Variants in SUPT3H observed in about 807,000 individuals in gnomAD.
SUPT3H encodes transcription initiation protein SPT3 homolog.
In SUPT3H, 44 loss-of-function variants were observed where a neutral mutation model predicts 44.3. The ratio of observed to expected loss-of-function variants is 0.99; its 90% confidence interval spans 0.78 to 1.28. SUPT3H has a LOEUF of 1.28. Ranked by LOEUF, SUPT3H falls within the 50% of genes most tolerant of loss-of-function variation. The pLI, the probability that SUPT3H is intolerant of heterozygous loss-of-function variation, is 0.00. For synonymous variants in SUPT3H, 124 were observed against 125.6 expected, an observed-to-expected ratio of 0.99 and a Z score of 0.09; for missense variants, 380 against 387.1, an observed-to-expected ratio of 0.98 and a Z score of 0.15.
chr6:44,945,792 A>G (rs2153469631), intron 9 of SUPT3H, among the ~76,000 whole-genome samples: 1 of 152,340 alleles, frequency 6.6e-6, no homozygotes, highest in African/African-American at 2.4e-5. Flanking sequence ...TAGAAGCTGT[A>G]GCAAGTTGTC....
At chr6:44,971,560 C>G (rs1714800129) in intron 6 of SUPT3H, among the ~76,000 whole-genome samples, 2 of 152,170 alleles carry the variant, frequency 1.3e-5, no homozygotes, top group Admixed American at 6.5e-5. Flanking sequence ...ATGATGAGAA[C>G]AGAAGCATGG....
At chr6:45,365,885 A>G (rs906101256) in intron 1 of SUPT3H, among the ~76,000 whole-genome samples, 2 of 53,368 alleles carry the variant, frequency 3.7e-5, no homozygotes, top group Non-Finnish European at 5.8e-5. Flanking sequence ...CAAAAGCATT[A>G]TATTTTATAA....
Position 45,003,685 on chromosome 6 carries a change from C to T in SUPT3H, c.472G>A (p.Glu158Lys), listed in dbSNP as rs1232194875. The part of the protein sequence containing the change: ...GELLAMFEDD[E>K]IDEVKQERME... ...CTTTCTTGTTTAACTTCATCAATTTCGTCATCTTCAAACATTGCTAAAAGT... is the reference window on the plus strand; with the variant it reads ...CTTTCTTGTTTAACTTCATCAATTTTGTCATCTTCAAACATTGCTAAAAGT... Residue 158 changes from glutamate (E) to lysine (K), a missense_variant, in exon 6 of 11, where the codon GAA becomes AAA. Physicochemically the swap from Glu to Lys is moderately conservative, Grantham distance 56. Coordinates refer to ENST00000371459, the MANE Select transcript of SUPT3H (RefSeq NM_003599.4). The T allele has an allele frequency of 8.1e-6, 13 of 1,613,504 alleles. No individual in the cohort carries two copies. Among genetic ancestry groups the T allele is most frequent in the African/African-American group, 2.7e-5 (2 of 74,902 alleles).
intron 2 of SUPT3H, among the ~76,000 whole-genome samples, chr6:45,345,416 A>G (rs1297448646): frequency 6.6e-6 from 1 of 152,076 alleles, no homozygotes; most frequent in Non-Finnish European, 1.5e-5. Context: ...CTTCATCTCA[A>G]TTTCCATTTT....
intron 2 of SUPT3H, among the ~76,000 whole-genome samples, chr6:45,139,508 A>G (rs1804827775): frequency 6.6e-6 from 1 of 152,148 alleles, no homozygotes; most frequent in African/African-American, 2.4e-5. Flanking sequence ...GAATTCACAG[A>G]TCCTTTGAAA....
intron 10 of SUPT3H, among the ~76,000 whole-genome samples, chr6:44,913,804 G>C (rs1404950014): frequency 6.6e-6 from 1 of 152,004 alleles, no homozygotes; most frequent in Non-Finnish European, 1.5e-5. Flanking sequence ...TTTTCCAAGT[G>C]GTTATTTTTG....
intron 2 of SUPT3H, among the ~76,000 whole-genome samples, chr6:45,307,046 T>TGCAAGGCGGCA (rs1783141016): frequency 6.6e-6 from 1 of 152,130 alleles, no homozygotes; most frequent in Admixed American, 6.5e-5. Context: ...GAGATCAAAC[T>TGCAAGGCGGCA]GCAAGGCGGC....
At chr6:45,249,845 T>C (rs1366126050) in intron 2 of SUPT3H, among the ~76,000 whole-genome samples, 2 of 152,050 alleles carry the variant, frequency 1.3e-5, no homozygotes, top group Non-Finnish European at 2.9e-5. Context: ...TGATGATATA[T>C]CATACTGAAA....
chr6:44,835,194 T>G (rs1325924994), intron 10 of SUPT3H, among the ~76,000 whole-genome samples: 1 of 152,126 alleles, frequency 6.6e-6, no homozygotes, highest in Non-Finnish European at 1.5e-5. Flanking sequence ...CAGTATCTGA[T>G]TTTGGGTTGA....
At chr6:44,849,908 T>C (rs1772597029) in intron 10 of SUPT3H, among the ~76,000 whole-genome samples, 1 of 152,210 alleles carries the variant, frequency 6.6e-6, no homozygotes, top group South Asian at 2.1e-4. Context: ...GCAATGTATT[T>C]AGCTGGGGAG....
intron 2 of SUPT3H, among the ~76,000 whole-genome samples, chr6:45,357,423 T>TA (rs1180475786): frequency 3.3e-5 from 5 of 151,268 alleles, no homozygotes; most frequent in African/African-American, 1.2e-4. Context: ...CGTAACCTCC[T>TA]AGGTGCAAGT....
intron 2 of SUPT3H, among the ~76,000 whole-genome samples, chr6:45,241,843 T>A (rs1472255830): frequency 6.6e-6 from 1 of 151,986 alleles, no homozygotes; most frequent in African/African-American, 2.4e-5. Context: ...GGAATATAAT[T>A]AGGAAAAAGC....
chr6:45,274,615 T>TC (rs1776719729), intron 2 of SUPT3H, among the ~76,000 whole-genome samples: 1 of 152,344 alleles, frequency 6.6e-6, no homozygotes, highest in Non-Finnish European at 1.5e-5. Context: ...GAACTGCAGC[T>TC]CATGCCTGTA....
chr6:44,844,606 T>C (rs970227625), intron 10 of SUPT3H, among the ~76,000 whole-genome samples: 1 of 152,150 alleles, frequency 6.6e-6, no homozygotes, highest in Non-Finnish European at 1.5e-5. Context: ...GAACTTCAAA[T>C]GCATTATGCT....
chr6:45,223,828 C>G (rs1766460899), intron 2 of SUPT3H, among the ~76,000 whole-genome samples: 1 of 151,120 alleles, frequency 6.6e-6, no homozygotes, highest in Non-Finnish European at 1.5e-5. Context: ...TACGAATTTA[C>G]TATGAAGCAC....
chr6:45,075,124 A>G lies in SUPT3H; in HGVS notation c.186+30798T>C, dbSNP rs145807168. Among the ~76,000 whole-genome samples, 705 of 152,238 alleles carry G rather than the reference A, an allele frequency of 4.6e-3. 7 individuals carry two copies. Among genetic ancestry groups the G allele is most frequent in the African/African-American group, 0.016 (657 of 41,570 alleles). On this transcript the variant is annotated intron_variant, in intron 3 of 10. Coordinates refer to ENST00000371459, the MANE Select transcript of SUPT3H (RefSeq NM_003599.4). ...AGTGCCTTTTCGGCATACAATTAAT[A>G]TATTCCATATCTTTTAAAACAGGAA...
intron 10 of SUPT3H, among the ~76,000 whole-genome samples, chr6:44,854,931 T>C (rs1167554257): frequency 5.2e-4 from 79 of 152,106 alleles, no homozygotes; most frequent in Non-Finnish European, 2.1e-4. Flanking sequence ...AGATAAAACA[T>C]AGAATTTCCT....
chr6:45,119,613 G>A (rs925930188), intron 2 of SUPT3H, among the ~76,000 whole-genome samples: 1 of 152,162 alleles, frequency 6.6e-6, no homozygotes, highest in African/African-American at 2.4e-5. Flanking sequence ...CATGTGATTT[G>A]TGGGCATAAT....
intron 6 of SUPT3H, among the ~76,000 whole-genome samples, chr6:44,994,180 G>A (rs553490698): frequency 1.3e-5 from 2 of 152,050 alleles, no homozygotes; most frequent in South Asian, 4.2e-4. Flanking sequence ...GACTGTGAGG[G>A]CAAAGGCCAT....
Sources: gnomAD v4.1 joint callset for allele counts (sites outside exome capture counted in the v4.1 genomes callset) on GRCh38, gnomAD v4.1.1 for gene constraint, MANE v1.5 for transcripts, NCBI Gene and HGNC (gene_info 2026-07-23, HGNC 2026-07-21) for gene names.